Variants in SLC22A7 observed in about 807,000 individuals in gnomAD.
SLC22A7 encodes the protein hOAT2.
Under a neutral mutation model 62.2 loss-of-function variants are expected in SLC22A7, and 48 were observed. That is an observed-to-expected ratio of 0.77 (90% CI 0.61 to 0.98). The LOEUF (loss-of-function observed/expected upper bound fraction) is 0.98. SLC22A7 is among the 50% of genes least tolerant of loss of function. The probability of loss-of-function intolerance (pLI) is 0.00; values close to 1 mark genes in which losing one functional copy is unlikely to be tolerated. For synonymous variants in SLC22A7, 276 were observed against 314.8 expected (o/e 0.88, Z 1.30); for missense variants, 581 against 703.8 (o/e 0.83, Z 1.97).
rs772862127 is a variant in SLC22A7 at position 43,302,166 on chromosome 6, A to C, written c.1062-34A>C. The C allele has an allele frequency of 1.7e-5, 26 of 1,521,514 alleles. No individual in the cohort carries two copies. In the African/African-American group the frequency reaches 3.4e-4, roughly 20 times the overall value. 94.3% of individuals were successfully genotyped at this position (1,521,514 alleles called of 1,614,324 possible). ...GAGAGGCCAAAGAGGGATGGGAAGG[A>C]GGGTCCGCCAAGTGGCACTGAGACT... On this transcript the variant is annotated intron_variant, in intron 7 of 10. Coordinates refer to ENST00000372585, the MANE Select transcript of SLC22A7 (RefSeq NM_153320.2). The surrounding 1 kb of genome is among the most constrained non-coding windows in gnomAD (Gnocchi z 5.0).
chr6:43,301,215 G>C lies in SLC22A7; in HGVS notation c.908G>C (p.Arg303Thr). Residue 303 changes from arginine to threonine, a missense_variant, in exon 6 of 11, where the codon AGG becomes ACG. Physicochemically the swap from Arg to Thr is moderately conservative, Grantham distance 71. Coordinates refer to ENST00000372585, the MANE Select transcript of SLC22A7 (RefSeq NM_153320.2). The stretch of plus-strand genomic sequence containing the variant: ...CACAGGTACTTGCTCCACTGTGCCA[G>C]GCTCAATGGGCGGCCAGTGTGTGAG... The part of the protein sequence containing the change: ...EAHRYLLHCA[R>T]LNGRPVCEDS... 1 of 1,614,236 alleles carries C rather than the reference G, an allele frequency of 6.2e-7. No individual in the cohort carries two copies. Among genetic ancestry groups the C allele is most frequent in the East Asian group, 2.2e-5 (1 of 44,890 alleles).
At position 43,299,891 on chromosome 6, in the gene SLC22A7, G is replaced by T; in HGVS notation, c.659-7G>T. 4 of 1,614,192 alleles carry T rather than the reference G, an allele frequency of 2.5e-6. No homozygotes were observed. Among genetic ancestry groups the T allele is most frequent in the Non-Finnish European group, 3.4e-6 (4 of 1,180,044 alleles). On this transcript the variant is annotated splice_region_variant and splice_polypyrimidine_tract_variant and intron_variant, in intron 4 of 10. Transcript: ENST00000372585. The surrounding 1 kb of genome is among the most constrained non-coding windows in gnomAD (Gnocchi z 4.4). Reference sequence around the variant, plus strand: ...TAACCATCTTCCTGTCTCCTGTCCTGGCCCAGAGCTGGAGTGGCTGGATGT... The same window carrying T: ...TAACCATCTTCCTGTCTCCTGTCCTTGCCCAGAGCTGGAGTGGCTGGATGT...
rs140065052 is a variant in SLC22A7 at position 43,302,225 on chromosome 6, G to T, written c.1087G>T (p.Gly363Cys). 6.3e-7 allele frequency: 1 copy of T among 1,594,664 alleles called. No homozygotes were observed. The highest frequency in any genetic ancestry group is 1.1e-5 in the South Asian group (1 of 89,132). Residue 363 changes from glycine (G) to cysteine (C), a missense_variant, in exon 8 of 11, where the codon GGC (glycine) becomes TGC (cysteine). Physicochemically the swap from Gly to Cys is radical, Grantham distance 159 (BLOSUM62 -3). Coordinates refer to ENST00000372585, the MANE Select transcript of SLC22A7 (RefSeq NM_153320.2). This position sits in a 1 kb window ranked among gnomAD's most constrained non-coding sequence, Gnocchi z 5.0. ...GTTCGGAGTGAACTTCTCCTATTACGGCCTGAGTCTGGATGTGTCGGGGCT... is the reference window on the plus strand; with the variant it reads ...GTTCGGAGTGAACTTCTCCTATTACTGCCTGAGTCTGGATGTGTCGGGGCT... ...VWFGVNFSYY[G>C]LSLDVSGLGL...
At position 43,299,773 on chromosome 6, in the gene SLC22A7, T is replaced by G. The variant is rs1405476673; in HGVS notation, c.650T>G (p.Met217Arg). The change falls in exon 4 of 11, where the codon ATG becomes AGG. Residue 217 changes from methionine to arginine, a missense_variant. Transcript: ENST00000372585. The surrounding 1 kb of genome is among the most constrained non-coding windows in gnomAD (Gnocchi z 4.4). ...SALAGFTIIV[M>R]PLELEWLDVE... Reference sequence around the variant, plus strand: ...CTGGCTGGTTTTACCATCATCGTGATGCCACTGGGTGAGGCAGGCAAGAAA... The same window carrying G: ...CTGGCTGGTTTTACCATCATCGTGAGGCCACTGGGTGAGGCAGGCAAGAAA... The G allele has an allele frequency of 6.2e-7, 1 of 1,614,102 alleles. No individual in the cohort carries two copies. Among genetic ancestry groups the G allele is most frequent in the African/African-American group, 1.3e-5 (1 of 74,926 alleles).
At chr6:43,300,281 A>C in intron 5 of SLC22A7, 1 of 601,884 alleles carries the variant, frequency 1.7e-6, no homozygotes, top group African/African-American at 1.9e-5. Flanking sequence ...AGAACAAGAT[A>C]CAGAGAGTCA....
chr6:43,301,644 T>G lies in SLC22A7; in HGVS notation c.1013T>G (p.Phe338Cys). The G allele has an allele frequency of 1.9e-6, 3 of 1,614,062 alleles. No homozygotes were observed. The highest frequency in any genetic ancestry group is 2.5e-6 in the Non-Finnish European group (3 of 1,179,978). Residue 338 changes from phenylalanine to cysteine, a missense_variant, in exon 7 of 11, where the codon TTC becomes TGC. Physicochemically the swap from Phe to Cys is radical, Grantham distance 205 (BLOSUM62 -2). Coordinates refer to ENST00000372585, the MANE Select transcript of SLC22A7 (RefSeq NM_153320.2). ...CGAAGACCTTCATACCTAGACCTGT[T>G]CCGCACACCACGGCTCCGACACATC... is the stretch of plus-strand genomic sequence containing the variant. ...VVRRPSYLDL[F>C]RTPRLRHISL...
At chr6:43,301,800 G>C in intron 7 of SLC22A7, 108 bp downstream of exon 7, 1 of 762,922 alleles carries the variant, frequency 1.3e-6, no homozygotes, top group Non-Finnish European at 2.1e-6. Flanking sequence ...GAGTGTCACT[G>C]TGGAGGGCAG....
In SLC22A7 at chr6:43,299,212, G is replaced by C. The variant is rs766675697; in HGVS notation, c.399+115G>C. The C allele has an allele frequency of 6.2e-7, 1 of 1,613,838 alleles. No homozygotes were observed. Among genetic ancestry groups the C allele is most frequent in the Non-Finnish European group, 8.5e-7 (1 of 1,179,862 alleles). ...AGCTGAGGCTGCAGGACTGGGGAGG[G>C]ACAAAGTTTCCTATTCCCCAAGCTG... On this transcript the variant is annotated intron_variant, in intron 2 of 10. Transcript: ENST00000372585. This position sits in a 1 kb window ranked among gnomAD's most constrained non-coding sequence, Gnocchi z 4.4.
At chr6:43,301,495 A>G (rs2150733454) in intron 6 of SLC22A7, 88 bp from the exon 7 acceptor site, 1 of 1,127,988 alleles carries the variant, frequency 8.9e-7, no homozygotes, top group East Asian at 2.4e-5. Flanking sequence ...AGATGGGAGG[A>G]ATAGAGAGGG....
chr6:43,301,363 C>A, intron 6 of SLC22A7, 105 bp downstream of exon 6: 1 of 1,510,124 alleles, frequency 6.6e-7, no homozygotes, highest in South Asian at 1.2e-5. Context: ...AGGAAAAGCC[C>A]CTGGGCCCCC....
At chr6:43,300,288 G>A in intron 5 of SLC22A7, 1 of 598,044 alleles carries the variant, frequency 1.7e-6, no homozygotes. Context: ...GATACAGAGA[G>A]TCAGAGATAA....
At position 43,299,130 on chromosome 6, in the gene SLC22A7, A is replaced by C; in HGVS notation, c.399+33A>C. The C allele has an allele frequency of 6.2e-7, 1 of 1,613,956 alleles. No homozygotes were observed. Among genetic ancestry groups the C allele is most frequent in the Non-Finnish European group, 8.5e-7 (1 of 1,179,900 alleles). On this transcript the variant is annotated intron_variant, in intron 2 of 10. Coordinates refer to ENST00000372585, the MANE Select transcript of SLC22A7 (RefSeq NM_153320.2). The surrounding 1 kb of genome is among the most constrained non-coding windows in gnomAD (Gnocchi z 4.4). Reference sequence around the variant, plus strand: ...TTTACATAATCCATCTGGAGGTGGAATGTCGGTGGAGGCAGTCTCCCTGGG... The same window carrying C: ...TTTACATAATCCATCTGGAGGTGGACTGTCGGTGGAGGCAGTCTCCCTGGG...
At chr6:43,304,521 G>T (rs1778872750) in intron 10 of SLC22A7, 150 bp from the exon 11 acceptor site, 1 of 656,156 alleles carries the variant, frequency 1.5e-6, no homozygotes, top group Non-Finnish European at 2.7e-6. Flanking sequence ...TACACATCAG[G>T]GGTGTGTACA....
chr6:43,302,454 G>C lies in SLC22A7; in HGVS notation c.1276+40G>C. 2.7e-6 allele frequency: 4 copies of C among 1,485,874 alleles called. No homozygotes were observed. The highest frequency in any genetic ancestry group is 1.3e-5 in the South Asian group (1 of 76,892). 92.0% of individuals were successfully genotyped at this position (1,485,874 alleles called of 1,614,324 possible). A position where few individuals can be genotyped will look rare whatever the true frequency, so the allele number is the denominator to read the frequency against. On this transcript the variant is annotated intron_variant, in intron 8 of 10. Transcript: ENST00000372585. The surrounding 1 kb of genome is among the most constrained non-coding windows in gnomAD (Gnocchi z 5.0). ...ATAGGTTCTGCCCACCCCAGAAGCCGGGCCAGGAACCCTGCCCACTCCCCG... is the reference window on the plus strand; with the variant it reads ...ATAGGTTCTGCCCACCCCAGAAGCCCGGCCAGGAACCCTGCCCACTCCCCG...
upstream of SLC22A7, chr6:43,298,217 C>T: frequency 2.7e-6 from 2 of 739,116 alleles, no homozygotes; most frequent in Non-Finnish European, 4.3e-6. Context: ...CCTGGGCCAG[C>T]CCCTGAGGGC....
In SLC22A7 at chr6:43,304,254, CAG is replaced by C. The variant is rs754194977; in HGVS notation, c.1592+11_1592+12del. ...ACGTGGAGAGAAAGAGGTGTGTGCACAGGACTGTGTCTGTGTACGTGTGATAA... is the reference window on the plus strand; with the variant it reads ...ACGTGGAGAGAAAGAGGTGTGTGCACGACTGTGTCTGTGTACGTGTGATAA... On this transcript the variant is annotated intron_variant, in intron 10 of 10. Transcript: ENST00000372585. 3.1e-5 allele frequency: 48 copies of C among 1,528,980 alleles called. No individual in the cohort carries two copies. The East Asian group carries it at 9.5e-4, about 30-fold the overall frequency. The allele number at this position is 1,528,980 out of a possible 1,614,324, so 94.7% of individuals were successfully genotyped here.
At position 43,299,279 on chromosome 6, in the gene SLC22A7, C is replaced by G. The variant is rs1387950880; in HGVS notation, c.400-111C>G. The G allele has an allele frequency of 6.2e-7, 1 of 1,602,138 alleles. No homozygotes were observed. Among genetic ancestry groups the G allele is most frequent in the Non-Finnish European group, 8.5e-7 (1 of 1,174,036 alleles). On this transcript the variant is annotated intron_variant, in intron 2 of 10. Transcript: ENST00000372585. The surrounding 1 kb of genome is among the most constrained non-coding windows in gnomAD (Gnocchi z 4.4). ...GGTTTATTATCTGGCATGGAGGTAC[C>G]AGAATGGCAGAGTTCGCCTCAGAAG...
At chr6:43,303,516 C>A (rs1778831855) in intron 9 of SLC22A7, among the ~76,000 whole-genome samples, 1 of 151,720 alleles carries the variant, frequency 6.6e-6, no homozygotes, top group South Asian at 2.1e-4. Flanking sequence ...AAGAAAACAG[C>A]CCCAAGAAGC....
chr6:43,300,986 A>G, intron 5 of SLC22A7, 149 bp from the exon 6 acceptor site: 1 of 972,770 alleles, frequency 1.0e-6, no homozygotes, highest in East Asian at 2.5e-5. Context: ...AGAGCTCATC[A>G]AGTGTGGAGG....
Sources: gnomAD v4.1 joint callset for allele counts (sites outside exome capture counted in the v4.1 genomes callset) on GRCh38, gnomAD v4.1.1 for gene constraint, Gnocchi (gnomAD v3.1) non-coding constraint, MANE v1.5 for transcripts, NCBI Gene and HGNC (gene_info 2026-07-23, HGNC 2026-07-21) for gene names.